Variants in HDAC1 observed in about 807,000 individuals in gnomAD.
HDAC1 encodes the protein protein deacetylase HDAC1.
A neutral mutation model predicts 65.5 loss-of-function variants in HDAC1; 18 were observed. The ratio of observed to expected loss-of-function variants is 0.27; its 90% CI spans 0.19 to 0.41. The LOEUF (loss-of-function observed/expected upper bound fraction) is 0.41. Among genes scored for constraint, HDAC1 ranks in the 10% least tolerant of loss-of-function variants. The probability of loss-of-function intolerance (pLI) is 1.00; values close to 1 mark genes in which losing one functional copy is unlikely to be tolerated. For synonymous variants in HDAC1, 211 were observed against 227.9 expected (o/e 0.93, Z 0.67); for missense variants, 373 against 625.2 (o/e 0.60, Z 4.30).
chr1:32,312,872 C>T (rs191526462), intron 2 of HDAC1, among the ~76,000 whole-genome samples: 23 of 151,082 alleles, frequency 1.5e-4, no homozygotes, highest in Admixed American at 2.6e-4. Flanking sequence ...GATGGGATTT[C>T]GCCATGTTGG....
intron 2 of HDAC1, 133 bp from the exon 3 acceptor site, chr1:32,316,532 C>T: frequency 1.5e-6 from 1 of 653,316 alleles, no homozygotes; most frequent in African/African-American, 1.8e-5. Flanking sequence ...AAGCCTGAAT[C>T]TAACCAGTTA....
intron 4 of HDAC1, among the ~76,000 whole-genome samples, chr1:32,326,206 G>C (rs977876201): frequency 6.6e-6 from 1 of 151,152 alleles, no homozygotes; most frequent in African/African-American, 2.4e-5. Context: ...CATCACCCAG[G>C]CTGGAGTGCA....
At position 32,332,103 on chromosome 1, in the gene HDAC1, C is replaced by T; in HGVS notation, c.1233C>T (p.Asp411=). 6.2e-7 allele frequency: 1 copy of T among 1,602,642 alleles called. No individual in the cohort carries two copies. The change falls in exon 12 of 14, where the codon GAC becomes GAT. Residue 411 remains aspartate, a synonymous_variant. Transcript: ENST00000373548. ...ACTCCCTCCCAGTCTGCTCCTCTGACAAACGAATTGCCTGTGAGGAAGAGT... is the reference window on the plus strand; with the variant it reads ...ACTCCCTCCCAGTCTGCTCCTCTGATAAACGAATTGCCTGTGAGGAAGAGT... ...PDKRISICSS[D]KRIACEEEFS...
chr1:32,313,306 G>A (rs543334511), intron 2 of HDAC1, among the ~76,000 whole-genome samples: 1 of 150,318 alleles, frequency 6.7e-6, no homozygotes, highest in Non-Finnish European at 1.5e-5. Context: ...TGTTGGCCAG[G>A]GTGGTCTTGA....
In HDAC1 at chr1:32,326,650, T is replaced by TA. The variant is rs763574064; in HGVS notation, c.356-282dup. ...GATATTTTTTTCTATGCTATTTCAT[T>TA]AAAAAAATATATATATATATACACA... On this transcript the variant is annotated intron_variant, in intron 4 of 13. Coordinates refer to ENST00000373548, the MANE Select transcript of HDAC1 (RefSeq NM_004964.3). Among the ~76,000 whole-genome samples the TA allele has an allele frequency of 6.3e-3, 958 of 151,914 alleles. 3 individuals are homozygous for TA. Among genetic ancestry groups the TA allele is most frequent in the African/African-American group, 0.021 (884 of 41,360 alleles).
intron 1 of HDAC1, among the ~76,000 whole-genome samples, chr1:32,301,053 G>A (rs1336065784): frequency 1.3e-5 from 2 of 152,160 alleles, no homozygotes; most frequent in Non-Finnish European, 2.9e-5. Context: ...AAGAGAGAGA[G>A]AGAGTGAGTG....
intron 1 of HDAC1, among the ~76,000 whole-genome samples, chr1:32,294,712 C>T (rs1023331065): frequency 6.6e-6 from 1 of 151,302 alleles, no homozygotes; most frequent in African/African-American, 2.4e-5. Flanking sequence ...GACAGGGTTT[C>T]ACCGTGTTAG....
chr1:32,329,243 C>T lies in HDAC1; in HGVS notation c.729+83C>T. 1 of 829,832 alleles carries T rather than the reference C, an allele frequency of 1.2e-6. No individual in the cohort carries two copies. The highest frequency in any genetic ancestry group is 1.3e-5 in the South Asian group (1 of 75,314). 51.4% of individuals were successfully genotyped at this position (829,832 alleles called of 1,614,324 possible). ...GGAGCAAAGCACCCCCACCATACCT[C>T]AGGAATCTCTCCTTACTAAAGCTGG... On this transcript the variant is annotated intron_variant, in intron 7 of 13. Transcript: ENST00000373548. This position sits in a 1 kb window ranked among gnomAD's most constrained non-coding sequence, Gnocchi z 4.1.
At chr1:32,320,081 G>C (rs1359911475) in intron 3 of HDAC1, among the ~76,000 whole-genome samples, 1 of 152,016 alleles carries the variant, frequency 6.6e-6, no homozygotes, top group African/African-American at 2.4e-5. Flanking sequence ...TTAGCCGGAC[G>C]TGGTGGCAGG....
chr1:32,317,468 T>C (rs756927962), intron 3 of HDAC1, among the ~76,000 whole-genome samples: 1 of 152,220 alleles, frequency 6.6e-6, no homozygotes, highest in Non-Finnish European at 1.5e-5. Flanking sequence ...CTTCATATAG[T>C]ATAACAGCAC....
intron 2 of HDAC1, among the ~76,000 whole-genome samples, chr1:32,312,375 C>A (rs549402662): frequency 6.6e-6 from 1 of 151,668 alleles, no homozygotes; most frequent in South Asian, 2.1e-4. Flanking sequence ...TTTATTTTTT[C>A]TTTGTGATGT....
intron 1 of HDAC1, among the ~76,000 whole-genome samples, chr1:32,294,809 C>T (rs377478283): frequency 2.0e-5 from 3 of 151,080 alleles, no homozygotes; most frequent in Admixed American, 6.6e-5. Flanking sequence ...CCACCGCACC[C>T]GGCCCCAACT....
Position 32,330,715 on chromosome 1 carries a change from G to C in HDAC1, c.838+29G>C. 1 of 1,613,656 alleles carries C rather than the reference G, an allele frequency of 6.2e-7. No individual in the cohort carries two copies. The highest frequency in any genetic ancestry group is 8.5e-7 in the Non-Finnish European group (1 of 1,179,588). On this transcript the variant is annotated intron_variant, in intron 8 of 13. Coordinates refer to ENST00000373548, the MANE Select transcript of HDAC1 (RefSeq NM_004964.3). This position sits in a 1 kb window ranked among gnomAD's most constrained non-coding sequence, Gnocchi z 4.2. ...AGACCAGGTAGCACAAGGATGGGTG[G>C]GCGGGGTCCTGCTTGGTGCTCCTGT... is the stretch of plus-strand genomic sequence containing the variant.
At chr1:32,332,888 C>A in intron 13 of HDAC1, 129 bp from the exon 14 acceptor site, 2 of 1,164,760 alleles carry the variant, frequency 1.7e-6, no homozygotes, top group Non-Finnish European at 2.5e-6. Flanking sequence ...TCCAGCTCTG[C>A]AGTTCTAGGC....
chr1:32,307,808 C>CA (rs1177836955), intron 2 of HDAC1, among the ~76,000 whole-genome samples: 3 of 152,132 alleles, frequency 2.0e-5, no homozygotes, highest in Non-Finnish European at 2.9e-5. Flanking sequence ...AAAGAGGTGG[C>CA]ATTTGAGATG....
chr1:32,306,147 G>A (rs1424265909), intron 2 of HDAC1, among the ~76,000 whole-genome samples: 2 of 150,664 alleles, frequency 1.3e-5, no homozygotes, highest in Non-Finnish European at 3.0e-5. Context: ...TTCTGAAAAA[G>A]TGATTTGGCT....
intron 2 of HDAC1, among the ~76,000 whole-genome samples, chr1:32,307,688 G>A (rs1293566346): frequency 2.0e-5 from 3 of 152,164 alleles, no homozygotes; most frequent in Admixed American, 2.0e-4. Context: ...GTGTGTAACT[G>A]GAACTGTAGA....
chr1:32,293,842 C>T, intron 1 of HDAC1, among the ~76,000 whole-genome samples: 1 of 150,092 alleles, frequency 6.7e-6, no homozygotes, highest in East Asian at 2.0e-4. Context: ...GCAGAGGTTG[C>T]AGTGAGCCAA....
chr1:32,323,187 G>A (rs2148068376), intron 3 of HDAC1, among the ~76,000 whole-genome samples: 1 of 152,042 alleles, frequency 6.6e-6, no homozygotes, highest in South Asian at 2.1e-4. Context: ...TGTAATCCCA[G>A]CTACTCGGGA....
Sources: gnomAD v4.1 joint callset for allele counts (sites outside exome capture counted in the v4.1 genomes callset) on GRCh38, gnomAD v4.1.1 for gene constraint, Gnocchi (gnomAD v3.1) non-coding constraint, MANE v1.5 for transcripts, NCBI Gene and HGNC (gene_info 2026-07-23, HGNC 2026-07-21) for gene names.